NARS1: variants seen among roughly 807,000 people sequenced by gnomAD.
The protein encoded by NARS1 is asparagine--tRNA ligase, cytoplasmic.
NARS1 carries 65 observed loss-of-function variants against 79.2 expected under a neutral mutation model. That is an observed-to-expected ratio of 0.82 (90% CI 0.67 to 1.01). The LOEUF (loss-of-function observed/expected upper bound fraction) is 1.01, where lower values mean the gene tolerates loss of function less well. Ranked by LOEUF, NARS1 falls within the 50% of genes least tolerant of loss-of-function variation. The pLI is 0.00. For missense variants in NARS1, 649 were observed against 673.8 expected (o/e 0.96, Z 0.41); for synonymous variants, 229 against 238.8 (o/e 0.96, Z 0.38).
At chr18:57,607,844 TAC>T (rs1177155883) in intron 7 of NARS1, among the ~76,000 whole-genome samples, 179 bp from the exon 8 acceptor site, 1 of 151,794 alleles carries the variant, frequency 6.6e-6, no homozygotes, top group Non-Finnish European at 1.5e-5. Context: ...TCTGGATAAA[TAC>T]ACACTCACAT....
In NARS1 at chr18:57,609,461, C is replaced by T; in HGVS notation, c.493-18G>A. ...CACTGACACTATAAAAAGGTCAAAGCTCAAATTTAGTTATTCACATTGATT... is the reference window on the plus strand; with the variant it reads ...CACTGACACTATAAAAAGGTCAAAGTTCAAATTTAGTTATTCACATTGATT... On this transcript the variant is annotated intron_variant, in intron 6 of 13. Coordinates refer to ENST00000256854, the MANE Select transcript of NARS1 (RefSeq NM_004539.4). 1 of 1,599,820 alleles carries T rather than the reference C, an allele frequency of 6.3e-7. No individual in the cohort carries two copies. Among genetic ancestry groups the T allele is most frequent in the South Asian group, 1.1e-5 (1 of 89,464 alleles).
Position 57,601,769 on chromosome 18 carries a change from T to G in NARS1, c.1530A>C (p.Thr510=). 6.2e-7 allele frequency: 1 copy of G among 1,613,394 alleles called. No individual in the cohort carries two copies. The highest frequency in any genetic ancestry group is 1.1e-5 in the South Asian group (1 of 91,066). Residue 510 remains threonine, a synonymous_variant, in exon 14 of 14, where the codon ACA becomes ACC. Coordinates refer to ENST00000256854, the MANE Select transcript of NARS1 (RefSeq NM_004539.4). ...CCAAGCCATATCCTCCATGGGGACATGTACCGTATTTTCTCTGTTTAAAAA... is the reference window on the plus strand; with the variant it reads ...CCAAGCCATATCCTCCATGGGGACAGGTACCGTATTTTCTCTGTTTAAAAA... The part of the protein sequence containing the change: ...YWYTDQRKYG[T]CPHGGYGLGL...
At chr18:57,602,791 C>G (rs1162492454) in intron 12 of NARS1, 21 bp downstream of exon 12, 1 of 1,612,642 alleles carries the variant, frequency 6.2e-7, no homozygotes, top group African/African-American at 1.3e-5. Context: ...ATTATTAATA[C>G]TCTTTGAAAC....
At chr18:57,614,083 C>A (rs1467281468) in intron 4 of NARS1, among the ~76,000 whole-genome samples, 1 of 152,142 alleles carries the variant, frequency 6.6e-6, no homozygotes, top group Non-Finnish European at 1.5e-5. Context: ...ACTTAAAAGG[C>A]TAGCTTTTGT....
intron 7 of NARS1, among the ~76,000 whole-genome samples, chr18:57,608,554 T>C (rs894939941): frequency 1.3e-5 from 2 of 152,032 alleles, no homozygotes; most frequent in African/African-American, 2.4e-5. Flanking sequence ...AAGTAATTCA[T>C]ATATCTACAG....
chr18:57,606,943 G>C (rs554477712), intron 9 of NARS1, 191 bp downstream of exon 9: 20 of 910,456 alleles, frequency 2.2e-5, no homozygotes, highest in Non-Finnish European at 8.1e-6. Flanking sequence ...ATATATAAAA[G>C]ATCAAGTCAA....
At chr18:57,620,172 C>A (rs933462563) in intron 2 of NARS1, among the ~76,000 whole-genome samples, 1 of 152,130 alleles carries the variant, frequency 6.6e-6, no homozygotes, top group African/African-American at 2.4e-5. Context: ...GTCTTGGAGT[C>A]AAATCTCAGG....
intron 6 of NARS1, 95 bp from the exon 7 acceptor site, chr18:57,609,538 C>G: frequency 3.3e-6 from 3 of 911,126 alleles, no homozygotes; most frequent in Non-Finnish European, 5.2e-6. Context: ...AACAAGTTAT[C>G]TGATCAAATA....
intron 1 of NARS1, 42 bp from the exon 2 acceptor site, chr18:57,620,693 C>T (rs1173075898): frequency 8.3e-7 from 1 of 1,200,424 alleles, no homozygotes. Context: ...TGGCCATTAA[C>T]TATTAGTCAC....
chr18:57,602,880 G>C lies in NARS1; in HGVS notation c.1315C>G (p.Arg439Gly). 22 of 1,613,972 alleles carry C rather than the reference G, an allele frequency of 1.4e-5. No individual in the cohort carries two copies. The highest frequency in any genetic ancestry group is 1.8e-5 in the Non-Finnish European group (21 of 1,179,868). ...DTINEPILLCRFPVEIKSFYM... is the reference protein window; with the variant it reads ...DTINEPILLCGFPVEIKSFYM... ...AAGGACTTGATCTCCACAGGAAATCGACACAGCAAGATTGGTTCATTAATG... is the reference window on the plus strand; with the variant it reads ...AAGGACTTGATCTCCACAGGAAATCCACACAGCAAGATTGGTTCATTAATG... The change falls in exon 12 of 14, where the codon CGA becomes GGA. Residue 439 changes from arginine to glycine, a missense_variant. Arg to Gly is a moderately radical substitution (Grantham distance 125). Transcript: ENST00000256854.
At chr18:57,617,976 T>G (rs777647191) in intron 2 of NARS1, among the ~76,000 whole-genome samples, 9 of 149,886 alleles carry the variant, frequency 6.0e-5, no homozygotes, top group Non-Finnish European at 1.3e-4. Context: ...CAACTAGACA[T>G]TGTAAGAATA....
rs1481429978 is a variant in NARS1 at position 57,621,780 on chromosome 18, T to C, written c.-63A>G. 2.5e-6 allele frequency: 4 copies of C among 1,612,272 alleles called. No individual in the cohort carries two copies. Among genetic ancestry groups the C allele is most frequent in the East Asian group, 2.2e-5 (1 of 44,718 alleles). The stretch of plus-strand genomic sequence containing the variant: ...TGCAACACCGACGCCGTCTTATGAC[T>C]CCAACGTGCACCGGCGGTTTCCGCG... On this transcript the variant is annotated 5_prime_UTR_variant, in exon 1 of 14. Transcript: ENST00000256854.
rs62092556 is a variant in NARS1 at position 57,608,413 on chromosome 18, C to T, written c.580-748G>A. On this transcript the variant is annotated intron_variant, in intron 7 of 13. Transcript: ENST00000256854. Reference sequence around the variant, plus strand: ...GATCGCACCACTGCATTCCAGCCTGCGCAACAAGAGCGAAACTCCGTCTCA... The same window carrying T: ...GATCGCACCACTGCATTCCAGCCTGTGCAACAAGAGCGAAACTCCGTCTCA... 1.2e-4 allele frequency among the ~76,000 whole-genome samples: 14 copies of T among 120,950 alleles called. 1 individual carries two copies. Among genetic ancestry groups the T allele is most frequent in the African/African-American group, 3.6e-4 (12 of 33,710 alleles). 79.3% of individuals were successfully genotyped at this position (120,950 alleles called of 152,430 possible).
chr18:57,603,042 A>G (rs1290765396), intron 11 of NARS1, 99 bp from the exon 12 acceptor site: 1 of 1,185,668 alleles, frequency 8.4e-7, no homozygotes, highest in Non-Finnish European at 1.2e-6. Context: ...CTATCAATTC[A>G]ACAGAGTAGA....
At chr18:57,602,967 A>T in intron 11 of NARS1, 24 bp from the exon 12 acceptor site, 1 of 1,613,288 alleles carries the variant, frequency 6.2e-7, no homozygotes, top group Non-Finnish European at 8.5e-7. Context: ...AGACTTCATT[A>T]ACATTTACAA....
rs1380632718 is a variant in NARS1 at position 57,611,665 on chromosome 18, T to C, written c.464A>G (p.Tyr155Cys). The C allele has an allele frequency of 1.3e-6, 2 of 1,597,490 alleles. No individual in the cohort carries two copies. The highest frequency in any genetic ancestry group is 1.8e-5 in the Admixed American group (1 of 56,412). ...MFLVLRDGTGYLQCVLADELC... is the reference protein window; with the variant it reads ...MFLVLRDGTGCLQCVLADELC... The stretch of plus-strand genomic sequence containing the variant: ...CTCATCCGCCAAGACACACTGAAGA[T>C]AACCTGTACCATCTCGCAACACCAG... The change falls in exon 6 of 14, where the codon TAT becomes TGT. Residue 155 changes from tyrosine to cysteine, a missense_variant. Coordinates refer to ENST00000256854, the MANE Select transcript of NARS1 (RefSeq NM_004539.4).
chr18:57,615,803 A>C lies in NARS1; in HGVS notation c.252+14T>G, dbSNP rs1907997356. The stretch of plus-strand genomic sequence containing the variant: ...AACTTTAACAACGTTCACGATGGCA[A>C]GGTCAGGACTCACCTCTTTCTTTTC... On this transcript the variant is annotated intron_variant, in intron 3 of 13. Coordinates refer to ENST00000256854, the MANE Select transcript of NARS1 (RefSeq NM_004539.4). The C allele has an allele frequency of 6.2e-7, 1 of 1,608,356 alleles. No individual in the cohort carries two copies. Among genetic ancestry groups the C allele is most frequent in the African/African-American group, 1.3e-5 (1 of 74,458 alleles).
intron 12 of NARS1, 119 bp downstream of exon 12, chr18:57,602,693 A>C: frequency 7.5e-7 from 1 of 1,329,430 alleles, no homozygotes; most frequent in African/African-American, 1.5e-5. Context: ...AACGTCTTTA[A>C]ATATTGTTAT....
intron 2 of NARS1, among the ~76,000 whole-genome samples, chr18:57,619,930 C>T (rs1473692921): frequency 6.6e-6 from 1 of 152,136 alleles, no homozygotes; most frequent in Non-Finnish European, 1.5e-5. Flanking sequence ...TGAAGCAATC[C>T]ACCTGCCCCG....
Sources: allele counts gnomAD v4.1 joint callset (sites outside exome capture counted in the v4.1 genomes callset), GRCh38; gene constraint gnomAD v4.1.1; transcripts MANE v1.5; gene names NCBI Gene and HGNC (gene_info 2026-07-23, HGNC 2026-07-21).